Variants in AGTPBP1 observed in about 807,000 individuals in gnomAD.
AGTPBP1 encodes ATP/GTP binding carboxypeptidase 1, also known as cytosolic carboxypeptidase 1.
A neutral mutation model predicts 143.9 loss-of-function variants in AGTPBP1; 70 were observed. The ratio of observed to expected loss-of-function variants is 0.49; its 90% CI spans 0.40 to 0.59. The LOEUF (loss-of-function observed/expected upper bound fraction) is 0.59, where lower values mean the gene tolerates loss of function less well. Ranked by LOEUF, AGTPBP1 falls within the 20% of genes least tolerant of loss-of-function variation. AGTPBP1 has a pLI of 0.00. For missense variants in AGTPBP1, 1,229 were observed against 1,464.5 expected, an observed-to-expected ratio of 0.84 and a Z score of 2.62; for synonymous variants, 463 against 500.2, an observed-to-expected ratio of 0.93 and a Z score of 0.99.
intron 1 of AGTPBP1, among the ~76,000 whole-genome samples, chr9:85,719,637 C>G (rs1321102980): frequency 6.6e-6 from 1 of 152,028 alleles, no homozygotes; most frequent in Non-Finnish European, 1.5e-5. Context: ...CTTTTCCTAA[C>G]TGAATACCCA....
At chr9:85,764,769 C>A in the AGTPBP1 span, 1 of 1,307,168 alleles carries the variant, frequency 7.7e-7, no homozygotes. Context: ...CAAGACTTCT[C>A]TGAAAAGAAT....
intron 1 of AGTPBP1, among the ~76,000 whole-genome samples, chr9:85,716,984 T>C (rs73481008): frequency 0.019 from 2,867 of 152,314 alleles, 96 homozygotes; most frequent in African/African-American, 0.065. Context: ...TTAGTGCCTT[T>C]GCATAAGCTG....
At position 85,573,779 on chromosome 9, in the gene AGTPBP1, G is replaced by A. The variant is rs919544073; in HGVS notation, c.3503+1536C>T. On this transcript the variant is annotated intron_variant, in intron 25 of 25. Coordinates refer to ENST00000357081, the MANE Select transcript of AGTPBP1 (RefSeq NM_001330701.2). Reference sequence around the variant, plus strand: ...CCACCCCGTCTGGGATGTGAGGAGCGCCTCTGCCCGGCAGCGACCCCGTCT... The same window carrying A: ...CCACCCCGTCTGGGATGTGAGGAGCACCTCTGCCCGGCAGCGACCCCGTCT... Among the ~76,000 whole-genome samples the A allele has an allele frequency of 1.0e-4, 15 of 150,500 alleles. 1 individual carries two copies. The highest frequency in any genetic ancestry group is 3.2e-4 in the African/African-American group (13 of 40,810).
At chr9:85,721,134 T>C (rs1233008875) in intron 1 of AGTPBP1, among the ~76,000 whole-genome samples, 1 of 152,244 alleles carries the variant, frequency 6.6e-6, no homozygotes, top group African/African-American at 2.4e-5. Flanking sequence ...GAAAAGAATG[T>C]ATATTCCGTT....
intron 21 of AGTPBP1, among the ~76,000 whole-genome samples, chr9:85,587,488 A>C (rs576802461): frequency 4.6e-5 from 7 of 152,308 alleles, no homozygotes; most frequent in African/African-American, 1.4e-4. Context: ...TAAGCAGATA[A>C]TCATAAAGTG....
chr9:85,625,173 T>C (rs1831193670), intron 14 of AGTPBP1, among the ~76,000 whole-genome samples: 1 of 152,240 alleles, frequency 6.6e-6, no homozygotes, highest in Non-Finnish European at 1.5e-5. Context: ...AATTCCCAGA[T>C]GTGGGACTGA....
chr9:85,640,115 A>T (rs949834413), intron 13 of AGTPBP1, among the ~76,000 whole-genome samples: 6 of 152,234 alleles, frequency 3.9e-5, no homozygotes, highest in African/African-American at 1.4e-4. Flanking sequence ...TTATCTCATG[A>T]TCTACAAAAA....
chr9:85,633,091 T>C lies in AGTPBP1; in HGVS notation c.1586A>G (p.Asp529Gly), dbSNP rs749150468. The C allele has an allele frequency of 2.5e-6, 4 of 1,614,078 alleles. No homozygotes were observed. The highest frequency in any genetic ancestry group is 3.4e-6 in the Non-Finnish European group (4 of 1,180,028). The change falls in exon 14 of 26, where the codon GAT becomes GGT. Residue 529 changes from aspartate (D) to glycine (G), a missense_variant. Asp to Gly is a moderately conservative substitution (Grantham distance 94). This residue lies in a region of AGTPBP1 where 743 missense variants were observed against 812.2 expected (regional missense o/e 0.91). Transcript: ENST00000357081. ...TISSVHGLNN[D>G]IVKALDRITL... ...AATTCGGTCCAAGGCCTTTACAATATCATTGTTTAAACCATGGACTGATGA... is the reference window on the plus strand; with the variant it reads ...AATTCGGTCCAAGGCCTTTACAATACCATTGTTTAAACCATGGACTGATGA...
In AGTPBP1 at chr9:85,632,767, G is replaced by A. The variant is rs745902597; in HGVS notation, c.1910C>T (p.Thr637Met). 18 of 1,614,104 alleles carry A rather than the reference G, an allele frequency of 1.1e-5. No homozygotes were observed. The highest frequency in any genetic ancestry group is 3.3e-5 in the South Asian group (3 of 91,078). Residue 637 changes from threonine (T) to methionine (M), a missense_variant, in exon 14 of 26, where the codon ACG becomes ATG. Physicochemically the swap from Thr to Met is moderately conservative, Grantham distance 81. Coordinates refer to ENST00000357081, the MANE Select transcript of AGTPBP1 (RefSeq NM_001330701.2). ...CTCTGAATATTCTGGGACAGACTTCGTATTTTTCACAATCTCAATATAGAG... is the reference window on the plus strand; with the variant it reads ...CTCTGAATATTCTGGGACAGACTTCATATTTTTCACAATCTCAATATAGAG... The part of the protein sequence containing the change: ...PDLYIEIVKN[T>M]KSVPEYSEVA...
At chr9:85,730,688 G>A (rs1278902259) in intron 1 of AGTPBP1, among the ~76,000 whole-genome samples, 11 of 152,086 alleles carry the variant, frequency 7.2e-5, no homozygotes, top group Admixed American at 1.3e-4. Flanking sequence ...AGCCTTGAAC[G>A]TGCCCTTTCC....
chr9:85,594,040 A>G (rs1364147233), intron 18 of AGTPBP1, among the ~76,000 whole-genome samples: 2 of 152,202 alleles, frequency 1.3e-5, no homozygotes, highest in African/African-American at 4.8e-5. Flanking sequence ...TAGATACCCA[A>G]TGACAGAGTG....
intron 25 of AGTPBP1, among the ~76,000 whole-genome samples, chr9:85,556,431 A>G (rs1354619428): frequency 6.6e-6 from 1 of 152,208 alleles, no homozygotes; most frequent in Non-Finnish European, 1.5e-5. Flanking sequence ...AGAAAAAAAC[A>G]TAAAACAAGT....
At chr9:85,682,172 T>TAAAAAA (rs745339958) in intron 3 of AGTPBP1, among the ~76,000 whole-genome samples, 11 of 85,822 alleles carry the variant, frequency 1.3e-4, no homozygotes, top group Non-Finnish European at 2.0e-4. Context: ...TAGGATTGGT[T>TAAAAAA]AAAAAAAAAA....
the AGTPBP1 span, among the ~76,000 whole-genome samples, chr9:85,779,254 A>T: frequency 1.4e-5 from 2 of 144,240 alleles, no homozygotes; most frequent in Non-Finnish European, 3.1e-5. Context: ...TATCTATATA[A>T]ATATAAATAT....
chr9:85,746,446 A>G (rs1303645611), upstream of AGTPBP1, among the ~76,000 whole-genome samples: 3 of 151,868 alleles, frequency 2.0e-5, no homozygotes, highest in Admixed American at 2.0e-4. Context: ...ACATAGTGAG[A>G]CCCCCCACAT....
chr9:85,618,959 A>C, intron 17 of AGTPBP1, 24 bp downstream of exon 17: 2 of 1,591,568 alleles, frequency 1.3e-6, no homozygotes, highest in African/African-American at 1.4e-5. Flanking sequence ...ATGCCATTTC[A>C]ATTGGGAAAG....
At position 85,741,921 on chromosome 9, in the gene AGTPBP1, A is replaced by G. The variant is rs1400051381; in HGVS notation, c.-180T>C. 4 of 1,310,706 alleles carry G rather than the reference A, an allele frequency of 3.1e-6. No individual in the cohort carries two copies. In the East Asian group the frequency reaches 1.3e-4, roughly 41 times the overall value. 81.2% of individuals were successfully genotyped at this position (1,310,706 alleles called of 1,614,324 possible). ...GCGAGGCGGAGGCGGCGGCGGCGGC[A>G]GCTGCGGCGGCGGCGCTGGAGGCGG... On this transcript the variant is annotated 5_prime_UTR_variant, in exon 1 of 26. Coordinates refer to ENST00000357081, the MANE Select transcript of AGTPBP1 (RefSeq NM_001330701.2).
intron 2 of AGTPBP1, among the ~76,000 whole-genome samples, chr9:85,699,868 A>C (rs1836531820): frequency 6.6e-6 from 1 of 152,246 alleles, no homozygotes; most frequent in Non-Finnish European, 1.5e-5. Flanking sequence ...ATTTTAAAGT[A>C]CTCAATCATT....
intron 2 of AGTPBP1, among the ~76,000 whole-genome samples, chr9:85,706,106 TAGCTAATAAGG>T (rs1305172085): frequency 6.6e-6 from 1 of 151,968 alleles, no homozygotes; most frequent in Non-Finnish European, 1.5e-5. Flanking sequence ...AATGGAGTTC[TAGCTAATAAGG>T]AGCTACGCCA....
Sources: allele counts gnomAD v4.1 joint callset (sites outside exome capture counted in the v4.1 genomes callset), GRCh38; gene constraint gnomAD v4.1.1; regional missense constraint gnomAD v4.1.1; transcripts MANE v1.5; gene names NCBI Gene and HGNC (gene_info 2026-07-23, HGNC 2026-07-21).